Variants in LRCOL1 observed in about 807,000 individuals in gnomAD.
LRCOL1 encodes the protein leucine-rich colipase-like protein 1.
A neutral mutation model predicts 21.6 loss-of-function variants in LRCOL1; 21 were observed. That is an observed-to-expected ratio of 0.97 (90% CI 0.69 to 1.40). LRCOL1 has a LOEUF of 1.40. Ranked by LOEUF, LRCOL1 falls within the 40% of genes most tolerant of loss-of-function variation. The probability of loss-of-function intolerance (pLI) is 0.00; values close to 1 mark genes in which losing one functional copy is unlikely to be tolerated. For missense variants in LRCOL1, 198 were observed against 202.3 expected, an observed-to-expected ratio of 0.98 and a Z score of 0.13; for synonymous variants, 98 against 90.1, an observed-to-expected ratio of 1.09 and a Z score of -0.49.
intron 1 of LRCOL1, among the ~76,000 whole-genome samples, chr12:132,608,937 G>A (rs1260550876): frequency 6.6e-6 from 1 of 152,182 alleles, no homozygotes; most frequent in African/African-American, 2.4e-5. Context: ...AAAGGGCCCT[G>A]CTCAGCCCAG....
At chr12:132,604,070 C>T in intron 5 of LRCOL1, 184 bp downstream of exon 5, 1 of 1,420,294 alleles carries the variant, frequency 7.0e-7, no homozygotes, top group Non-Finnish European at 9.2e-7. Flanking sequence ...GCCCAGGAGC[C>T]TTCTCTGCGG....
Position 132,604,658 on chromosome 12 carries a change from G to A in LRCOL1, c.231+48C>T, listed in dbSNP as rs777174246. 399 of 1,527,458 alleles carry A rather than the reference G, an allele frequency of 2.6e-4. 1 individual carries two copies. Among genetic ancestry groups the A allele is most frequent in the Admixed American group, 6.3e-4 (32 of 50,740 alleles). The allele number at this position is 1,527,458 out of a possible 1,614,324, so 94.6% of individuals were successfully genotyped here. A position where few individuals can be genotyped will look rare whatever the true frequency, so the allele number is the denominator to read the frequency against. ...GCTCTTCAGGGGCAGGTAGGAGGGG[G>A]CCACAGGCAGTCTCGCTCCTCCACC... On this transcript the variant is annotated intron_variant, in intron 3 of 5. Transcript: ENST00000376608.
Position 132,607,891 on chromosome 12 carries a change from GTC to G in LRCOL1, c.-13-1629_-13-1628del, listed in dbSNP as rs140504252. 5.0e-3 allele frequency among the ~76,000 whole-genome samples: 521 copies of G among 105,218 alleles called. 5 individuals are homozygous for G. The highest frequency in any genetic ancestry group is 0.01 in the Admixed American group (102 of 10,184). 69.0% of individuals were successfully genotyped at this position (105,218 alleles called of 152,430 possible). On this transcript the variant is annotated intron_variant, in intron 1 of 5. Transcript: ENST00000376608. ...TGTCTCTGTCTCTCCCTCTGTCTCT[GTC>G]TCTCTGTCTCTCCCTCTCTCCGTCT... is the stretch of plus-strand genomic sequence containing the variant.
chr12:132,604,609 C>T (rs2041278232), intron 3 of LRCOL1, 25 bp from the exon 4 acceptor site: 10 of 1,527,216 alleles, frequency 6.5e-6, no homozygotes, highest in Non-Finnish European at 8.8e-6. Flanking sequence ...ACGCGTCATC[C>T]CTGCACCCAC....
chr12:132,603,412 A>G lies in LRCOL1; in HGVS notation c.478-8T>C, dbSNP rs992070195. The G allele has an allele frequency of 1.2e-5, 18 of 1,536,078 alleles. No homozygotes were observed. The African/African-American group carries it at 2.5e-4, about 21-fold the overall frequency. ...AGGTTCGAGCTCACATCACTGAAGGAGAAGCCAAAGCTGAGGAAACGTGCA... is the reference window on the plus strand; with the variant it reads ...AGGTTCGAGCTCACATCACTGAAGGGGAAGCCAAAGCTGAGGAAACGTGCA... On this transcript the variant is annotated splice_region_variant and splice_polypyrimidine_tract_variant and intron_variant, in intron 5 of 5. Transcript: ENST00000376608.
rs535625677 is a variant in LRCOL1, at chr12:132,604,698, C to A, written c.231+8G>T. ...GCTCCTCCACCCCCGCCCCTGCACGCACCTCACCTTCCTCCAGGGCAGGCA... is the reference window on the plus strand; with the variant it reads ...GCTCCTCCACCCCCGCCCCTGCACGAACCTCACCTTCCTCCAGGGCAGGCA... On this transcript the variant is annotated splice_region_variant and intron_variant, in intron 3 of 5. Coordinates refer to ENST00000376608, the MANE Select transcript of LRCOL1 (RefSeq NM_001195520.2). 37 of 1,535,554 alleles carry A rather than the reference C, an allele frequency of 2.4e-5. 1 individual carries two copies. In the East Asian group the frequency reaches 8.1e-4, roughly 33 times the overall value.
chr12:132,604,898 A>C, intron 2 of LRCOL1, 67 bp from the exon 3 acceptor site: 1 of 1,516,732 alleles, frequency 6.6e-7, no homozygotes, highest in Non-Finnish European at 8.8e-7. Flanking sequence ...GCACTCAGGA[A>C]AGGCCTGCCC....
Position 132,606,210 on chromosome 12 carries a change from C to CAGCAGCAGCAGT in LRCOL1, c.30_41dup (p.Leu15_Leu18dup). 1 of 1,536,558 alleles carries CAGCAGCAGCAGT rather than the reference C, an allele frequency of 6.5e-7. No homozygotes were observed. Among genetic ancestry groups the CAGCAGCAGCAGT allele is most frequent in the Non-Finnish European group, 8.7e-7 (1 of 1,146,860 alleles). On this transcript the variant is annotated inframe_insertion, in exon 2 of 6. Transcript: ENST00000376608. This position sits in a 1 kb window ranked among gnomAD's most constrained non-coding sequence, Gnocchi z 4.6. The stretch of plus-strand genomic sequence containing the variant: ...CTGCCATGGACCCCAGCAGCAGCAG[C>CAGCAGCAGCAGT]AGCAGCAGCAGTAGCAGCAGCGTCC...
At position 132,606,755 on chromosome 12, in the gene LRCOL1, C is replaced by T. The variant is rs1264353599; in HGVS notation, c.-13-491G>A. On this transcript the variant is annotated intron_variant, in intron 1 of 5. Transcript: ENST00000376608. This position sits in a 1 kb window ranked among gnomAD's most constrained non-coding sequence, Gnocchi z 4.6. ...CTTTTCACTGTCAGCTTGGTTTTGC[C>T]TTCTCCAGAATCCCGTTTGGTTGGA... Among the ~76,000 whole-genome samples, 1 of 152,168 alleles carries T rather than the reference C, an allele frequency of 6.6e-6. No individual in the cohort carries two copies.
intron 1 of LRCOL1, among the ~76,000 whole-genome samples, chr12:132,608,021 GTCTC>G (rs915219849): frequency 3.3e-5 from 5 of 151,470 alleles, no homozygotes; most frequent in African/African-American, 1.2e-4. Flanking sequence ...CTCTGTCTCT[GTCTC>G]TCTCTGTCTC....
In LRCOL1 at chr12:132,606,220, AGTAGCAGCAGCG is replaced by A. The variant is rs2041308288; in HGVS notation, c.20_31del (p.Thr7_Leu11delinsMet). 2 of 1,536,536 alleles carry A rather than the reference AGTAGCAGCAGCG, an allele frequency of 1.3e-6. No individual in the cohort carries two copies. The highest frequency in any genetic ancestry group is 1.4e-5 in the African/African-American group (1 of 73,020). On this transcript the variant is annotated inframe_deletion, in exon 2 of 6. Transcript: ENST00000376608. This position sits in a 1 kb window ranked among gnomAD's most constrained non-coding sequence, Gnocchi z 4.6. The stretch of plus-strand genomic sequence containing the variant: ...CCCCAGCAGCAGCAGCAGCAGCAGC[AGTAGCAGCAGCG>A]TCCACCCCGGGCCGGCCATCGGGTG...
chr12:132,607,692 TCTCTGTCTCTGTCTCTCC>T (rs1480701367), intron 1 of LRCOL1, among the ~76,000 whole-genome samples: 3 of 96,068 alleles, frequency 3.1e-5, no homozygotes, highest in Middle Eastern at 5.1e-3. Context: ...TCTCTCTGCC[TCTCTGTCTCTGTCTCTCC>T]CTCTGTCTCT....
intron 3 of LRCOL1, 56 bp from the exon 4 acceptor site, chr12:132,604,640 A>G: frequency 3.9e-6 from 6 of 1,525,884 alleles, no homozygotes; most frequent in Non-Finnish European, 5.3e-6. Context: ...CTGGCTCTTC[A>G]GGGGCAGGTA....
chr12:132,607,580 CCTGTCTCT>C (rs2041324245), intron 1 of LRCOL1, among the ~76,000 whole-genome samples: 1 of 152,118 alleles, frequency 6.6e-6, no homozygotes, highest in Non-Finnish European at 1.5e-5. Flanking sequence ...GCAGGGTCTC[CCTGTCTCT>C]CTGTCTCTGC....
chr12:132,608,932 GC>G (rs1316524575), intron 1 of LRCOL1, among the ~76,000 whole-genome samples: 1 of 152,164 alleles, frequency 6.6e-6, no homozygotes. Flanking sequence ...AGATCAAAGG[GC>G]CCTGCTCAGC....
At chr12:132,607,919 GTCTC>G (rs573533617) in intron 1 of LRCOL1, among the ~76,000 whole-genome samples, 10 of 106,596 alleles carry the variant, frequency 9.4e-5, no homozygotes, top group Admixed American at 1.9e-4. Flanking sequence ...CTCTCCGTCT[GTCTC>G]TCTCTGTCTC....
Position 132,606,362 on chromosome 12 carries a change from G to A in LRCOL1, c.-13-98C>T, listed in dbSNP as rs1196112037. On this transcript the variant is annotated intron_variant, in intron 1 of 5. Coordinates refer to ENST00000376608, the MANE Select transcript of LRCOL1 (RefSeq NM_001195520.2). This position sits in a 1 kb window ranked among gnomAD's most constrained non-coding sequence, Gnocchi z 4.6. ...CCCCACTCCCTTCCCATCCCTTCCC[G>A]ATCCTTTCTCTTGCAAGACAGACTT... is the stretch of plus-strand genomic sequence containing the variant. 16 of 990,194 alleles carry A rather than the reference G, an allele frequency of 1.6e-5. No individual in the cohort carries two copies. Among genetic ancestry groups the A allele is most frequent in the South Asian group, 4.9e-5 (3 of 61,602 alleles). The allele number at this position is 990,194 out of a possible 1,614,324, so 61.3% of individuals were successfully genotyped here. A position where few individuals can be genotyped will look rare whatever the true frequency, so the allele number is the denominator to read the frequency against.
chr12:132,606,538 T>C lies in LRCOL1; in HGVS notation c.-13-274A>G, dbSNP rs916840510. Among the ~76,000 whole-genome samples, 19 of 152,322 alleles carry C rather than the reference T, an allele frequency of 1.2e-4. No homozygotes were observed. The highest frequency in any genetic ancestry group is 5.8e-4 in the East Asian group (3 of 5,188). On this transcript the variant is annotated intron_variant, in intron 1 of 5. Transcript: ENST00000376608. The surrounding 1 kb of genome is among the most constrained non-coding windows in gnomAD (Gnocchi z 4.6). ...ACTCGTGTGACACATCTGTCCACCA[T>C]TGATAGACCCACAGGGACGTGCCAT...
At chr12:132,605,105 G>A (rs2138304416) in intron 2 of LRCOL1, 1 of 1,256,046 alleles carries the variant, frequency 8.0e-7, no homozygotes, top group Non-Finnish European at 1.0e-6. Context: ...GAGCATGGGT[G>A]AAGCTCTCAG....
Sources: gnomAD v4.1 joint callset for allele counts (sites outside exome capture counted in the v4.1 genomes callset) on GRCh38, gnomAD v4.1.1 for gene constraint, Gnocchi (gnomAD v3.1) non-coding constraint, MANE v1.5 for transcripts, NCBI Gene and HGNC (gene_info 2026-07-23, HGNC 2026-07-21) for gene names.